CXADR: variants seen among roughly 807,000 people sequenced by gnomAD.
CXADR encodes coxsackievirus and adenovirus receptor.
In CXADR, 20 loss-of-function variants were observed where a neutral mutation model predicts 40.3. The observed-to-expected ratio is 0.50, with a 90% CI of 0.35 to 0.72. The LOEUF is 0.72. Ranked by LOEUF, CXADR falls within the 30% of genes least tolerant of loss-of-function variation. The pLI is 0.01. For synonymous variants in CXADR, 150 were observed against 161.3 expected (o/e 0.93, Z 0.53); for missense variants, 332 against 449.1 (o/e 0.74, Z 2.36).
chr21:17,553,222 T>C (rs1399766511), intron 3 of CXADR, among the ~76,000 whole-genome samples: 1 of 152,178 alleles, frequency 6.6e-6, no homozygotes, highest in Non-Finnish European at 1.5e-5. Flanking sequence ...AGGAGAGCAA[T>C]GTTCAAGATG....
the CXADR span, among the ~76,000 whole-genome samples, chr21:17,628,063 A>T: frequency 6.6e-6 from 1 of 152,208 alleles, no homozygotes; most frequent in South Asian, 2.1e-4. Flanking sequence ...AAACAAATCA[A>T]TACTCAAATA....
intron 1 of CXADR, among the ~76,000 whole-genome samples, chr21:17,545,557 G>C (rs1392370724): frequency 2.6e-5 from 4 of 151,978 alleles, no homozygotes; most frequent in African/African-American, 9.7e-5. Flanking sequence ...CTCCTGAGTA[G>C]CTGGGATTAC....
At chr21:17,553,183 A>G (rs1257403613) in intron 3 of CXADR, among the ~76,000 whole-genome samples, 1 of 152,172 alleles carries the variant, frequency 6.6e-6, no homozygotes, top group African/African-American at 2.4e-5. Flanking sequence ...TCGGCCACCC[A>G]GAGTGCTGAG....
chr21:17,562,832 T>A (rs537279234), intron 6 of CXADR, among the ~76,000 whole-genome samples: 3 of 152,240 alleles, frequency 2.0e-5, no homozygotes, highest in Non-Finnish European at 2.9e-5. Context: ...TTAACCAGCC[T>A]CTGTTAGCTT....
intron 1 of CXADR, chr21:17,518,867 T>C: frequency 6.4e-7 from 1 of 1,563,140 alleles, no homozygotes; most frequent in Non-Finnish European, 8.8e-7. Context: ...GCCAGTTTTT[T>C]TAGAGAACTC....
intron 1 of CXADR, among the ~76,000 whole-genome samples, chr21:17,513,556 T>C (rs1409342109): frequency 6.6e-6 from 1 of 152,242 alleles, no homozygotes; most frequent in African/African-American, 2.4e-5. Flanking sequence ...CTCTCCAGCG[T>C]TACCCGATTT....
At chr21:17,529,470 G>A (rs995407287) in intron 1 of CXADR, among the ~76,000 whole-genome samples, 1 of 152,098 alleles carries the variant, frequency 6.6e-6, no homozygotes, top group Admixed American at 6.5e-5. Context: ...ACAGGCATGT[G>A]CCACCACGCC....
At chr21:17,586,350 CT>C (rs977811014) in intron 7 of CXADR, among the ~76,000 whole-genome samples, 2 of 147,324 alleles carry the variant, frequency 1.4e-5, no homozygotes, top group Non-Finnish European at 3.0e-5. Flanking sequence ...TTTCCCAAAG[CT>C]AAAGTTTATA....
intron 7 of CXADR, among the ~76,000 whole-genome samples, chr21:17,586,331 C>T (rs2061395642): frequency 6.7e-6 from 1 of 149,534 alleles, no homozygotes; most frequent in Non-Finnish European, 1.5e-5. Flanking sequence ...AATGGCCTGT[C>T]TTCCAATATT....
intron 1 of CXADR, among the ~76,000 whole-genome samples, chr21:17,529,826 G>C (rs1339359917): frequency 6.6e-6 from 1 of 152,094 alleles, no homozygotes; most frequent in Non-Finnish European, 1.5e-5. Flanking sequence ...GTAGAGCATT[G>C]TCACAAAGTG....
chr21:17,635,763 T>C, the CXADR span, among the ~76,000 whole-genome samples: 1 of 152,246 alleles, frequency 6.6e-6, no homozygotes, highest in Admixed American at 6.5e-5. Flanking sequence ...AGTTGTTTTG[T>C]CTGTTCTAGA....
chr21:17,619,597 A>AG, the CXADR span, among the ~76,000 whole-genome samples: 1 of 40,600 alleles, frequency 2.5e-5, no homozygotes, highest in African/African-American at 2.1e-4. Context: ...GCTCTGTTTC[A>AG]AAAAAAAAAA....
Position 17,568,161 on chromosome 21 carries a change from G to A in CXADR, c.*2469G>A, listed in dbSNP as rs2737872. 2 of 965,882 alleles carry A rather than the reference G, an allele frequency of 2.1e-6. No homozygotes were observed. Among genetic ancestry groups the A allele is most frequent in the South Asian group, 4.8e-5 (1 of 20,664 alleles). 59.8% of individuals were successfully genotyped at this position (965,882 alleles called of 1,614,324 possible). ...TTTTTTTTTTTAAGACGGAGTCTCGGTCTGTCACCCAGGCTGGAGTGCAGT... is the reference window on the plus strand; with the variant it reads ...TTTTTTTTTTTAAGACGGAGTCTCGATCTGTCACCCAGGCTGGAGTGCAGT... On this transcript the variant is annotated 3_prime_UTR_variant, in exon 7 of 7. Coordinates refer to ENST00000284878, the MANE Select transcript of CXADR (RefSeq NM_001338.5).
the CXADR span, among the ~76,000 whole-genome samples, chr21:17,607,438 C>G: frequency 6.6e-6 from 1 of 152,092 alleles, no homozygotes; most frequent in South Asian, 2.1e-4. Context: ...ATGACTTGAG[C>G]CTGTGTTAGC....
At chr21:17,585,700 A>G (rs1382144000) in intron 7 of CXADR, among the ~76,000 whole-genome samples, 2 of 152,022 alleles carry the variant, frequency 1.3e-5, no homozygotes, top group Non-Finnish European at 2.9e-5. Context: ...TTGTATTTTT[A>G]GTACAGACGG....
the CXADR span, among the ~76,000 whole-genome samples, chr21:17,601,294 T>C: frequency 6.6e-6 from 1 of 152,192 alleles, no homozygotes; most frequent in African/African-American, 2.4e-5. Flanking sequence ...GTTTCCTATA[T>C]GCTGGACGAG....
the CXADR span, among the ~76,000 whole-genome samples, chr21:17,620,531 A>G: frequency 3.3e-5 from 5 of 152,222 alleles, no homozygotes; most frequent in South Asian, 4.1e-4. Context: ...AGAATTACCA[A>G]AATGTGACAC....
At chr21:17,595,718 C>G (rs1397387824), downstream of CXADR, among the ~76,000 whole-genome samples, 1 of 151,860 alleles carries the variant, frequency 6.6e-6, no homozygotes, top group Admixed American at 6.6e-5. Context: ...ACGAACAAAA[C>G]AATGCTGCAA....
intron 1 of CXADR, among the ~76,000 whole-genome samples, chr21:17,544,482 G>A (rs2060869137): frequency 6.6e-6 from 1 of 152,140 alleles, no homozygotes; most frequent in Non-Finnish European, 1.5e-5. Context: ...TTGCTAGTTA[G>A]ACTAGGCTAG....
Sources: gnomAD v4.1 joint callset for allele counts (sites outside exome capture counted in the v4.1 genomes callset) on GRCh38, gnomAD v4.1.1 for gene constraint, MANE v1.5 for transcripts, NCBI Gene and HGNC (gene_info 2026-07-23, HGNC 2026-07-21) for gene names.